Variants in AKAP9 observed in about 807,000 individuals in gnomAD.
AKAP9 encodes A-kinase anchoring protein 9.
Under a neutral mutation model 488.5 loss-of-function variants are expected in AKAP9, and 311 were observed. The observed-to-expected ratio is 0.64, with a 90% CI of 0.58 to 0.70. The LOEUF is 0.70. Ranked by LOEUF, AKAP9 falls within the 30% of genes least tolerant of loss-of-function variation. AKAP9 has a pLI of 0.00. For missense variants in AKAP9, 4,215 were observed against 4,374.5 expected (o/e 0.96, Z 1.03); for synonymous variants, 1,462 against 1,483.5 (o/e 0.99, Z 0.33).
chr7:91,964,106 G>C (rs1319207662), intron 1 of AKAP9, among the ~76,000 whole-genome samples: 4 of 152,028 alleles, frequency 2.6e-5, no homozygotes, highest in Non-Finnish European at 5.9e-5. Flanking sequence ...TTTCACATTA[G>C]CAAAAGGAAA....
In AKAP9 at chr7:92,038,403, GC is replaced by G; in HGVS notation, c.4339-15del. The G allele has an allele frequency of 6.4e-7, 1 of 1,573,500 alleles. No individual in the cohort carries two copies. The highest frequency in any genetic ancestry group is 8.7e-7 in the Non-Finnish European group (1 of 1,143,960). ...TTCTAAATCTAATCCTTTATTGTTT[GC>G]TTTTATTTCTTTAGGTTATTGTGTC... On this transcript the variant is annotated splice_polypyrimidine_tract_variant and intron_variant, in intron 16 of 49. Coordinates refer to ENST00000356239, the MANE Select transcript of AKAP9 (RefSeq NM_005751.5).
At chr7:92,037,486 C>G (rs1400108973) in intron 16 of AKAP9, among the ~76,000 whole-genome samples, 1 of 152,276 alleles carries the variant, frequency 6.6e-6, no homozygotes, top group African/African-American at 2.4e-5. Flanking sequence ...GGGTTTATTA[C>G]AGCCAGCCTT....
chr7:92,021,301 T>C (rs1802287785), intron 12 of AKAP9, among the ~76,000 whole-genome samples: 1 of 152,238 alleles, frequency 6.6e-6, no homozygotes, highest in East Asian at 1.9e-4. Context: ...CAGGCAGATA[T>C]ATTGTTATTT....
Position 92,097,516 on chromosome 7 carries a change from C to T in AKAP9, c.10399-70C>T, listed in dbSNP as rs557673137. The T allele has an allele frequency of 3.7e-4, 565 of 1,544,336 alleles. 7 individuals carry two copies. In the South Asian group the frequency reaches 6.0e-3, roughly 16 times the overall value. On this transcript the variant is annotated intron_variant, in intron 41 of 49. Transcript: ENST00000356239. ...ATTGGATATAAACAATAATTGTGTT[C>T]CCTTAAGATAGACTGTGATATGCTG... is the stretch of plus-strand genomic sequence containing the variant.
chr7:92,061,323 G>A lies in AKAP9; in HGVS notation c.5665G>A (p.Ala1889Thr), dbSNP rs182445675. ...TGAGTCATTTAGACAGAAACAAGAAGCAACAGAGTCCCTTAAGTGCCAAGA... is the reference window on the plus strand; with the variant it reads ...TGAGTCATTTAGACAGAAACAAGAAACAACAGAGTCCCTTAAGTGCCAAGA... ...MRESFRQKQEATESLKCQEEL... is the reference protein window; with the variant it reads ...MRESFRQKQETTESLKCQEEL... Residue 1889 changes from alanine (A) to threonine (T), a missense_variant, in exon 23 of 50, where the codon GCA becomes ACA. Around this residue, in one of 5 missense-constraint regions of AKAP9, gnomAD observed 2,361 missense variants for 2,430.0 expected, o/e 0.97. Coordinates refer to ENST00000356239, the MANE Select transcript of AKAP9 (RefSeq NM_005751.5). 3.1e-6 allele frequency: 5 copies of A among 1,613,144 alleles called. No individual in the cohort carries two copies. In the African/African-American group the frequency reaches 4.0e-5, roughly 13 times the overall value.
Position 92,084,817 on chromosome 7 carries a change from A to G in AKAP9, c.8711-2A>G. 1 of 1,611,570 alleles carries G rather than the reference A, an allele frequency of 6.2e-7. No individual in the cohort carries two copies. ...AACAGCAAATTATTTTCTTTATTTT[A>G]GATTCTGGATCAGACTGGGGTCAGG... is the stretch of plus-strand genomic sequence containing the variant. On this transcript the variant is annotated splice_acceptor_variant, in intron 34 of 49. Transcript: ENST00000356239. LOFTEE classifies it high-confidence loss of function.
chr7:92,052,822 CACA>C lies in AKAP9; in HGVS notation c.5468_5470del (p.Gln1823del). 3 of 1,613,828 alleles carry C rather than the reference CACA, an allele frequency of 1.9e-6. No homozygotes were observed. Among genetic ancestry groups the C allele is most frequent in the Non-Finnish European group, 2.5e-6 (3 of 1,179,856 alleles). Reference sequence around the variant, plus strand: ...GTAACTGAGGAAGGAACAGAGCTGTCACAACGACTTGTGAGGAGTGGTTTTGCT... The same window carrying C: ...GTAACTGAGGAAGGAACAGAGCTGTCACGACTTGTGAGGAGTGGTTTTGCT... On this transcript the variant is annotated inframe_deletion, in exon 22 of 50. Transcript: ENST00000356239.
In AKAP9 at chr7:91,994,614, C is replaced by G; in HGVS notation, c.577-7C>G. 1 of 1,609,034 alleles carries G rather than the reference C, an allele frequency of 6.2e-7. No homozygotes were observed. Among genetic ancestry groups the G allele is most frequent in the East Asian group, 2.2e-5 (1 of 44,600 alleles). On this transcript the variant is annotated splice_polypyrimidine_tract_variant and splice_region_variant and intron_variant, in intron 5 of 49. Coordinates refer to ENST00000356239, the MANE Select transcript of AKAP9 (RefSeq NM_005751.5). ...AAATAAATCTAGCACTTACTATTTTCTTTCAGTTACAAGAATTTGAAGCTG... is the reference window on the plus strand; with the variant it reads ...AAATAAATCTAGCACTTACTATTTTGTTTCAGTTACAAGAATTTGAAGCTG...
chr7:91,977,771 A>G (rs1056046227), intron 2 of AKAP9, among the ~76,000 whole-genome samples: 1 of 152,178 alleles, frequency 6.6e-6, no homozygotes, highest in African/African-American at 2.4e-5. Flanking sequence ...GCTCAAAGGT[A>G]TATTATTTAT....
intron 14 of AKAP9, among the ~76,000 whole-genome samples, chr7:92,023,555 T>C (rs1447374184): frequency 6.6e-6 from 1 of 152,176 alleles, no homozygotes; most frequent in Non-Finnish European, 1.5e-5. Context: ...CCTTCAAAAA[T>C]ATATCCAAAC....
chr7:92,040,176 T>A (rs1805834087), intron 17 of AKAP9, among the ~76,000 whole-genome samples: 1 of 152,226 alleles, frequency 6.6e-6, no homozygotes, highest in Non-Finnish European at 1.5e-5. Flanking sequence ...AAAGCTTTTA[T>A]CTTCAAATAA....
At chr7:91,983,970 C>G (rs969609254) in intron 3 of AKAP9, among the ~76,000 whole-genome samples, 1 of 152,108 alleles carries the variant, frequency 6.6e-6, no homozygotes, top group Non-Finnish European at 1.5e-5. Flanking sequence ...CATTTGCTCA[C>G]TTTTTGTTGG....
chr7:92,103,753 A>G (rs1818037169), intron 46 of AKAP9, among the ~76,000 whole-genome samples: 1 of 152,086 alleles, frequency 6.6e-6, no homozygotes, highest in African/African-American at 2.4e-5. Flanking sequence ...TAAATAAATA[A>G]AAGATTATAA....
In AKAP9 at chr7:92,001,613, A is replaced by C; in HGVS notation, c.1696A>C (p.Ser566Arg). The C allele has an allele frequency of 6.2e-7, 1 of 1,613,776 alleles. No individual in the cohort carries two copies. Among genetic ancestry groups the C allele is most frequent in the Non-Finnish European group, 8.5e-7 (1 of 1,179,770 alleles). Residue 566 changes from serine to arginine, a missense_variant, in exon 8 of 50, where the codon AGT becomes CGT. By Grantham distance (110) the Ser-to-Arg change is moderately radical. This residue lies in a region of AKAP9 where 2,361 missense variants were observed against 2,430.0 expected (regional missense o/e 0.97). Transcript: ENST00000356239. The part of the protein sequence containing the change: ...SKLNEAHKSL[S>R]TVEDLKAEIV... ...ACTTAATGAAGCACATAAGTCCCTT[A>C]GTACAGTGGAAGATTTGAAAGCTGA...
chr7:92,075,906 G>A (rs1210558620), intron 28 of AKAP9, among the ~76,000 whole-genome samples: 1 of 152,160 alleles, frequency 6.6e-6, no homozygotes, highest in Non-Finnish European at 1.5e-5. Context: ...CAGTTTCTAA[G>A]GCAGTAAATG....
intron 8 of AKAP9, among the ~76,000 whole-genome samples, chr7:92,008,345 C>T (rs1008968213): frequency 5.4e-5 from 8 of 147,392 alleles, no homozygotes; most frequent in African/African-American, 1.3e-4. Context: ...CCAGCCTAGG[C>T]GACAGAAAAA....
At chr7:91,944,114 A>G (rs1791126377) in intron 1 of AKAP9, among the ~76,000 whole-genome samples, 1 of 152,178 alleles carries the variant, frequency 6.6e-6, no homozygotes, top group Non-Finnish European at 1.5e-5. Context: ...AATCTGTAAT[A>G]ATGGGTTAAT....
intron 3 of AKAP9, among the ~76,000 whole-genome samples, chr7:91,989,371 A>AAAG (rs1411860893): frequency 6.6e-6 from 1 of 152,162 alleles, no homozygotes; most frequent in Admixed American, 6.5e-5. Context: ...AAATCGGACT[A>AAAG]AATGAAAAAT....
chr7:92,045,693 T>G lies in AKAP9; in HGVS notation c.5368+480T>G, dbSNP rs80227703. ...ACCTTTGGACTGTCCTTTGCTAGAT[T>G]CTTTCTTCCTTTTGAAAAAGTGAGT... On this transcript the variant is annotated intron_variant, in intron 21 of 49. Transcript: ENST00000356239. Among the ~76,000 whole-genome samples, 1,087 of 152,282 alleles carry G rather than the reference T, an allele frequency of 7.1e-3. 45 individuals are homozygous for G. In the East Asian group the frequency reaches 0.13, roughly 18 times the overall value.
Sources: gnomAD v4.1 joint callset for allele counts (sites outside exome capture counted in the v4.1 genomes callset) on GRCh38, gnomAD v4.1.1 for gene constraint, gnomAD v4.1.1 regional missense constraint, MANE v1.5 for transcripts, NCBI Gene and HGNC (gene_info 2026-07-23, HGNC 2026-07-21) for gene names.